The following DACH2 variants were observed in gnomAD, a reference collection of about 807,000 sequenced individuals.
The protein encoded by DACH2 is dachshund homolog 2.
Under a neutral mutation model 35.8 loss-of-function variants are expected in DACH2, and 17 were observed. That is an observed-to-expected ratio of 0.48 (90% CI 0.33 to 0.71). The LOEUF (loss-of-function observed/expected upper bound fraction) is 0.71, where lower values mean the gene tolerates loss of function less well. DACH2 is among the 30% of genes least tolerant of loss of function. DACH2 has a pLI of 0.02. For missense variants in DACH2, 469 were observed against 472.7 expected (o/e 0.99, Z 0.07); for synonymous variants, 195 against 177.3 (o/e 1.10, Z -0.79).
At chrX:86,211,431 T>G (rs2032443975) in intron 1 of DACH2, among the ~76,000 whole-genome samples, 1 of 111,496 alleles carries the variant, frequency 9.0e-6, no homozygotes, top group African/African-American at 3.2e-5. Context: ...GAGGAAACAT[T>G]GGGATGTCAA....
chrX:86,264,574 G>C (rs1257150375), intron 1 of DACH2, among the ~76,000 whole-genome samples: 1 of 111,420 alleles, frequency 9.0e-6, no homozygotes, highest in Non-Finnish European at 1.9e-5. Context: ...ATCTTTACTA[G>C]TTCTGCCCAA....
intron 6 of DACH2, among the ~76,000 whole-genome samples, chrX:86,721,009 C>T (rs1384467592): frequency 1.8e-5 from 2 of 112,447 alleles, no homozygotes. Context: ...TATATTGGCC[C>T]CTTTTAGCCA....
At chrX:86,630,537 A>AT (rs1383166943) in intron 3 of DACH2, among the ~76,000 whole-genome samples, 1 of 110,738 alleles carries the variant, frequency 9.0e-6, no homozygotes, top group East Asian at 2.8e-4. Flanking sequence ...CAATTTCTCC[A>AT]TTTTTAAATA....
chrX:86,454,393 C>T (rs1430614449), intron 2 of DACH2, among the ~76,000 whole-genome samples: 1 of 111,621 alleles, frequency 9.0e-6, no homozygotes, highest in Non-Finnish European at 1.9e-5. Context: ...TCCATTCTCC[C>T]CATCTCTTTC....
chrX:86,466,414 G>A (rs1312050883), intron 2 of DACH2, among the ~76,000 whole-genome samples: 1 of 110,113 alleles, frequency 9.1e-6, no homozygotes, highest in Non-Finnish European at 1.9e-5. Flanking sequence ...TACAATACAA[G>A]ATGAGATTTG....
At position 86,755,593 on chromosome X, in the gene DACH2, ATTTT is replaced by A. The variant is rs35672351; in HGVS notation, c.1240+15730_1240+15733del. 1.9e-4 allele frequency among the ~76,000 whole-genome samples: 15 copies of A among 77,611 alleles called. No individual in the cohort carries two copies. The East Asian group carries it at 2.2e-3, about 11-fold the overall frequency. 67.4% of individuals were successfully genotyped at this position (77,611 alleles called of 115,157 possible). A position where few individuals can be genotyped will look rare whatever the true frequency, so the allele number is the denominator to read the frequency against. On this transcript the variant is annotated intron_variant, in intron 7 of 11. Transcript: ENST00000373125. ...AAAGGCTTTAATCCGTCTTGACCTA[ATTTT>A]TTTTTTTTTTTTTTTTTTGATACAG...
At chrX:86,660,343 G>A (rs1200480579) in intron 4 of DACH2, among the ~76,000 whole-genome samples, 1 of 111,169 alleles carries the variant, frequency 9.0e-6, no homozygotes, top group Non-Finnish European at 1.9e-5. Flanking sequence ...AGCCATGCAG[G>A]GTGTTATCCA....
At chrX:86,405,506 A>G (rs1310726836) in intron 2 of DACH2, among the ~76,000 whole-genome samples, 1 of 111,475 alleles carries the variant, frequency 9.0e-6, no homozygotes, top group Non-Finnish European at 1.9e-5. Flanking sequence ...CTTATTGTGC[A>G]TATCACTATC....
At chrX:86,340,433 C>T (rs180976849) in intron 1 of DACH2, among the ~76,000 whole-genome samples, 332 of 111,383 alleles carry the variant, frequency 3.0e-3, no homozygotes, top group Non-Finnish European at 5.0e-3. Context: ...CAAACTTAAT[C>T]GCTAAATGTC....
chrX:86,537,180 A>T (rs781651613), intron 3 of DACH2, among the ~76,000 whole-genome samples: 7 of 111,813 alleles, frequency 6.3e-5, no homozygotes, highest in African/African-American at 2.3e-4. Context: ...CCAGTGTGTC[A>T]AATCAAGCCA....
intron 3 of DACH2, among the ~76,000 whole-genome samples, chrX:86,611,247 T>C (rs1026946084): frequency 9.0e-6 from 1 of 110,800 alleles, no homozygotes; most frequent in African/African-American, 3.3e-5. Context: ...CTCACAACCC[T>C]AACCTGTGTT....
At chrX:86,491,381 A>G (rs1439529977) in intron 2 of DACH2, among the ~76,000 whole-genome samples, 1 of 111,890 alleles carries the variant, frequency 8.9e-6, no homozygotes, top group Non-Finnish European at 1.9e-5. Context: ...TTTGAAATAC[A>G]AGGACCTCTA....
At chrX:86,158,522 C>CGTGT (rs58707735) in intron 1 of DACH2, among the ~76,000 whole-genome samples, 30 of 103,349 alleles carry the variant, frequency 2.9e-4, no homozygotes, top group African/African-American at 3.9e-4. Context: ...ATAGCCTGTG[C>CGTGT]GTGTGTGTGT....
chrX:86,371,678 G>A (rs1332108909), intron 1 of DACH2, among the ~76,000 whole-genome samples: 1 of 110,634 alleles, frequency 9.0e-6, no homozygotes, highest in Non-Finnish European at 1.9e-5. Context: ...TAAACCAGCT[G>A]CTGTGGAGCA....
At chrX:86,675,948 G>A (rs765951756) in intron 4 of DACH2, among the ~76,000 whole-genome samples, 13 of 111,393 alleles carry the variant, frequency 1.2e-4, no homozygotes, top group South Asian at 3.7e-4. Context: ...AATAATTTCC[G>A]ATAAAAATAT....
intron 2 of DACH2, among the ~76,000 whole-genome samples, chrX:86,391,827 A>G (rs2036207752): frequency 9.0e-6 from 1 of 111,559 alleles, no homozygotes; most frequent in Admixed American, 9.6e-5. Context: ...TTACCATTAA[A>G]TGTAAGAATG....
At chrX:86,697,779 T>TCAGTA (rs1262198019) in intron 5 of DACH2, among the ~76,000 whole-genome samples, 1 of 110,444 alleles carries the variant, frequency 9.1e-6, no homozygotes, top group Non-Finnish European at 1.9e-5. Flanking sequence ...AAGGAAAGAA[T>TCAGTA]CAGTAAGCTT....
intron 2 of DACH2, among the ~76,000 whole-genome samples, chrX:86,468,219 G>T (rs1276795528): frequency 1.8e-5 from 2 of 111,356 alleles, no homozygotes; most frequent in Non-Finnish European, 3.8e-5. Context: ...CACTAATACA[G>T]AATATGGCAA....
intron 3 of DACH2, among the ~76,000 whole-genome samples, chrX:86,544,401 T>C (rs1205212883): frequency 1.8e-5 from 2 of 111,454 alleles, no homozygotes; most frequent in Admixed American, 9.6e-5. Flanking sequence ...AAGAAGGGGC[T>C]TGTTACCTAC....
Sources: gnomAD v4.1 joint callset for allele counts (sites outside exome capture counted in the v4.1 genomes callset) on GRCh38, gnomAD v4.1.1 for gene constraint, MANE v1.5 for transcripts, NCBI Gene and HGNC (gene_info 2026-07-23, HGNC 2026-07-21) for gene names.